The following ARHGEF11 variants were observed in gnomAD, a reference collection of about 807,000 sequenced individuals.
The protein encoded by ARHGEF11 is Rho guanine nucleotide exchange factor 11, also known as Rho guanine exchange factor (GEF) 11.
In ARHGEF11, 55 loss-of-function variants were observed where a neutral mutation model predicts 193.7. That is an observed-to-expected ratio of 0.28 (90% CI 0.23 to 0.36). ARHGEF11 has a LOEUF of 0.36. Among genes scored for constraint, ARHGEF11 ranks in the 10% least tolerant of loss-of-function variants. The pLI is 1.00. For missense variants in ARHGEF11, 1,723 were observed against 2,005.6 expected (o/e 0.86, Z 2.69); for synonymous variants, 693 against 768.0 (o/e 0.90, Z 1.62).
rs770757033 is a variant in ARHGEF11 at position 156,946,709 on chromosome 1, T to G, written c.2647A>C (p.Ile883Leu). ...CSYQSIALEL[I>L]KTKQRKESRF... is the part of the protein sequence containing the mutation. ...CTCTCCTTGCGTTGCTTGGTCTTGA[T>G]TAGCTCTAGGGCTATTGACTGATAG... The change falls in exon 28 of 41, where the codon ATC becomes CTC. Residue 883 changes from isoleucine (I) to leucine (L), a missense_variant. Physicochemically the swap from Ile to Leu is conservative, Grantham distance 5 (BLOSUM62 2). This residue lies in a region of ARHGEF11 where 491 missense variants were observed against 654.5 expected (regional missense o/e 0.75). Coordinates refer to ENST00000368194, the MANE Select transcript of ARHGEF11 (RefSeq NM_198236.3). The G allele has an allele frequency of 6.2e-6, 10 of 1,614,100 alleles. No individual in the cohort carries two copies. The highest frequency in any genetic ancestry group is 8.5e-6 in the Non-Finnish European group (10 of 1,180,056).
intron 1 of ARHGEF11, among the ~76,000 whole-genome samples, chr1:156,990,621 C>T (rs1035248665): frequency 1.2e-4 from 19 of 152,136 alleles, no homozygotes; most frequent in Non-Finnish European, 2.6e-4. Flanking sequence ...CATCTCATCC[C>T]TTTTCTGGAG....
chr1:156,959,070 A>C lies in ARHGEF11; in HGVS notation c.1355T>G (p.Ile452Ser). Residue 452 changes from isoleucine (I) to serine (S), a missense_variant, in exon 16 of 41, where the codon ATC becomes AGC. Transcript: ENST00000368194. ...CCTGTAGTCGTGGATCTGCTCTTGG[A>C]TCTCAGGCATGGCTGCCTCTTGAGC... ...CEAQEAAMPE[I>S]QEQIHDYRTK... is the part of the protein sequence containing the mutation. 1 of 1,614,208 alleles carries C rather than the reference A, an allele frequency of 6.2e-7. No homozygotes were observed. Among genetic ancestry groups the C allele is most frequent in the South Asian group, 1.1e-5 (1 of 91,086 alleles).
At chr1:156,951,768 C>G in intron 21 of ARHGEF11, 69 bp from the exon 22 acceptor site, 1 of 1,595,724 alleles carries the variant, frequency 6.3e-7, no homozygotes, top group Non-Finnish European at 8.6e-7. Flanking sequence ...GCTTGGACTT[C>G]CCCAGATCCC....
chr1:156,981,394 C>T (rs1664151038), intron 3 of ARHGEF11, among the ~76,000 whole-genome samples: 1 of 152,172 alleles, frequency 6.6e-6, no homozygotes, highest in Non-Finnish European at 1.5e-5. Context: ...TGGTGACTGA[C>T]TGTGAGGTGC....
intron 1 of ARHGEF11, among the ~76,000 whole-genome samples, chr1:157,006,824 C>T (rs1460132657): frequency 6.6e-6 from 1 of 152,196 alleles, no homozygotes; most frequent in African/African-American, 2.4e-5. Flanking sequence ...TGTAATGTGC[C>T]AGGAGCCTGA....
At chr1:157,033,344 C>T (rs1370058704) in intron 1 of ARHGEF11, among the ~76,000 whole-genome samples, 1 of 152,052 alleles carries the variant, frequency 6.6e-6, no homozygotes, top group Non-Finnish European at 1.5e-5. Flanking sequence ...CCTCCGCATA[C>T]CCCCATATAA....
At chr1:156,985,980 T>G (rs1402473134) in intron 2 of ARHGEF11, 102 bp downstream of exon 2, 10 of 935,780 alleles carry the variant, frequency 1.1e-5, no homozygotes, top group Non-Finnish European at 1.7e-5. Flanking sequence ...CCAGAGCTCT[T>G]CGGCTCAAGC....
chr1:156,949,721 G>A (rs928822702), intron 22 of ARHGEF11, among the ~76,000 whole-genome samples: 1 of 152,158 alleles, frequency 6.6e-6, no homozygotes, highest in African/African-American at 2.4e-5. Flanking sequence ...AACACCCAGT[G>A]GAGTTACTGG....
At chr1:156,989,123 A>C (rs957463751) in intron 1 of ARHGEF11, among the ~76,000 whole-genome samples, 2 of 152,100 alleles carry the variant, frequency 1.3e-5, no homozygotes, top group African/African-American at 4.8e-5. Flanking sequence ...GCTCAGCCTA[A>C]ACCTGGGGGT....
At chr1:157,035,441 T>C (rs1557989320) in intron 1 of ARHGEF11, among the ~76,000 whole-genome samples, 1 of 151,838 alleles carries the variant, frequency 6.6e-6, no homozygotes. Flanking sequence ...GTTTCGCTCT[T>C]GTTGCCCAGG....
intron 3 of ARHGEF11, among the ~76,000 whole-genome samples, chr1:156,983,624 C>T (rs1351414596): frequency 4.6e-5 from 7 of 152,210 alleles, no homozygotes; most frequent in East Asian, 3.8e-4. Context: ...CTTCTATACA[C>T]AATTGGTAAC....
intron 1 of ARHGEF11, among the ~76,000 whole-genome samples, chr1:156,996,859 A>ATTTTTT (rs60592654): frequency 7.5e-5 from 7 of 93,856 alleles, no homozygotes; most frequent in African/African-American, 2.1e-4. Flanking sequence ...CTCTCTCTCT[A>ATTTTTT]TTTTTTTTTT....
rs574059603 is a variant in ARHGEF11 at position 156,942,860 on chromosome 1, G to GCA, written c.3236-81_3236-80insTG. The stretch of plus-strand genomic sequence containing the variant: ...GCAGCCTGGGCCAGGGTGACAGAGT[G>GCA]GGACTCAAAGCCCTGACCCTCAACG... On this transcript the variant is annotated intron_variant, in intron 32 of 40. Transcript: ENST00000368194. 8.2e-3 allele frequency: 9,883 copies of GCA among 1,198,196 alleles called. 67 individuals carry two copies. Among genetic ancestry groups the GCA allele is most frequent in the Non-Finnish European group, 0.01 (8,265 of 811,026 alleles). 74.2% of individuals were successfully genotyped at this position (1,198,196 alleles called of 1,614,324 possible). A position where few individuals can be genotyped will look rare whatever the true frequency, so the allele number is the denominator to read the frequency against.
intron 11 of ARHGEF11, among the ~76,000 whole-genome samples, chr1:156,964,148 GCATTATTTTGTTTGCCCGCTCA>G (rs1661376668): frequency 6.6e-6 from 1 of 152,148 alleles, no homozygotes; most frequent in African/African-American, 2.4e-5. Flanking sequence ...AACACCATTT[GCATTATTTTGTTTGCCCGCTCA>G]AGAATCTGTG....
chr1:157,015,251 C>T (rs917957668), intron 1 of ARHGEF11, among the ~76,000 whole-genome samples: 8 of 152,166 alleles, frequency 5.3e-5, no homozygotes, highest in African/African-American at 1.9e-4. Flanking sequence ...CCTAGGGCCA[C>T]ACTGCCTAGA....
At chr1:157,036,178 T>C (rs955034384) in intron 1 of ARHGEF11, among the ~76,000 whole-genome samples, 2 of 135,754 alleles carry the variant, frequency 1.5e-5, no homozygotes, top group Admixed American at 8.0e-5. Context: ...TATGAATACA[T>C]ATATGAATAC....
intron 19 of ARHGEF11, 46 bp downstream of exon 19, chr1:156,956,374 C>G (rs768042435): frequency 1.2e-6 from 2 of 1,601,940 alleles, no homozygotes; most frequent in Admixed American, 3.4e-5. Context: ...CTTGGCATTC[C>G]AAAGTACTAG....
intron 1 of ARHGEF11, among the ~76,000 whole-genome samples, chr1:157,014,187 T>C (rs1199553006): frequency 6.6e-6 from 1 of 152,178 alleles, no homozygotes; most frequent in Non-Finnish European, 1.5e-5. Context: ...CTCCCTATCA[T>C]TAGATTGTAT....
intron 6 of ARHGEF11, among the ~76,000 whole-genome samples, chr1:156,977,985 A>C (rs561948770): frequency 1.3e-4 from 20 of 152,346 alleles, no homozygotes; most frequent in African/African-American, 4.3e-4. Flanking sequence ...TGTGTGATAA[A>C]ACCTCATATG....
Sources: gnomAD v4.1 joint callset for allele counts (sites outside exome capture counted in the v4.1 genomes callset) on GRCh38, gnomAD v4.1.1 for gene constraint, gnomAD v4.1.1 regional missense constraint, MANE v1.5 for transcripts, NCBI Gene and HGNC (gene_info 2026-07-23, HGNC 2026-07-21) for gene names.